The following ROBO2 variants were observed in gnomAD, a reference collection of about 807,000 sequenced individuals.
The protein encoded by ROBO2 is roundabout guidance receptor 2.
Under a neutral mutation model 160.8 loss-of-function variants are expected in ROBO2, and 53 were observed. The observed-to-expected ratio is 0.33, with a 90% CI of 0.26 to 0.41. The LOEUF is 0.41. Among genes scored for constraint, ROBO2 ranks in the 10% least tolerant of loss-of-function variants. The pLI is 1.00. For synonymous variants in ROBO2, 664 were observed against 611.7 expected, an observed-to-expected ratio of 1.09 and a Z score of -1.26; for missense variants, 1,577 against 1,722.4, an observed-to-expected ratio of 0.92 and a Z score of 1.49.
At chr3:76,942,481 G>T (rs779169382) in intron 2 of ROBO2, among the ~76,000 whole-genome samples, 1 of 152,182 alleles carries the variant, frequency 6.6e-6, no homozygotes. Context: ...TTTTGCTTGG[G>T]AAGCACCACT....
intron 2 of ROBO2, among the ~76,000 whole-genome samples, chr3:77,003,451 TATA>T (rs2061427410): frequency 6.6e-6 from 1 of 152,176 alleles, no homozygotes; most frequent in South Asian, 2.1e-4. Context: ...CAAGAACAAT[TATA>T]ATCACCATTA....
At chr3:76,548,726 A>G (rs139852779) in intron 2 of ROBO2, among the ~76,000 whole-genome samples, 1,548 of 152,024 alleles carry the variant, frequency 0.01, 14 homozygotes, top group Non-Finnish European at 0.017. Flanking sequence ...TTTCTCCACC[A>G]TAGCCAAAAT....
At chr3:76,465,383 T>C (rs1466668403) in intron 2 of ROBO2, among the ~76,000 whole-genome samples, 2 of 152,066 alleles carry the variant, frequency 1.3e-5, no homozygotes, top group African/African-American at 2.4e-5. Flanking sequence ...GTAATAAAAA[T>C]AGTTTATACT....
At chr3:77,264,034 C>A (rs1243740928) in intron 2 of ROBO2, among the ~76,000 whole-genome samples, 2 of 126,068 alleles carry the variant, frequency 1.6e-5, no homozygotes, top group Non-Finnish European at 3.7e-5. Flanking sequence ...TCATCACATT[C>A]ATCATATTCA....
chr3:76,791,827 C>A (rs955962420), intron 2 of ROBO2, among the ~76,000 whole-genome samples: 6 of 151,852 alleles, frequency 4.0e-5, no homozygotes, highest in Non-Finnish European at 8.8e-5. Context: ...CACACACACA[C>A]ACACAAAATG....
chr3:76,777,916 C>A (rs1267878852), intron 2 of ROBO2, among the ~76,000 whole-genome samples: 1 of 151,052 alleles, frequency 6.6e-6, no homozygotes, highest in East Asian at 2.0e-4. Context: ...TTTGCCTGAT[C>A]ATTATAAATA....
intron 1 of ROBO2, among the ~76,000 whole-genome samples, chr3:77,046,494 C>T (rs978140920): frequency 1.3e-5 from 2 of 152,084 alleles, no homozygotes; most frequent in African/African-American, 4.8e-5. Context: ...GATAGCATCT[C>T]GGAGCCATTA....
intron 4 of ROBO2, among the ~76,000 whole-genome samples, chr3:77,489,388 T>A (rs6789690): frequency 0.54 from 81,928 of 151,878 alleles, 22,274 homozygotes; most frequent in Admixed American, 0.64. Flanking sequence ...GGTAGCAGGG[T>A]AGAGAGAAGG....
At chr3:76,527,952 T>C (rs1362739943) in intron 2 of ROBO2, among the ~76,000 whole-genome samples, 1 of 151,996 alleles carries the variant, frequency 6.6e-6, no homozygotes, top group Non-Finnish European at 1.5e-5. Context: ...ATTTGGGGAA[T>C]ACCCTGTCTA....
chr3:76,943,226 C>T lies in ROBO2; in HGVS notation c.110-154788C>T, dbSNP rs552718122. ...TCATTGCTTGTTGAAAGAGCTACCT[C>T]AGAGGACTGGCATTTGCGCTGGGGA... On this transcript the variant is annotated intron_variant, in intron 2 of 26. Coordinates refer to the ROBO2 transcript ENST00000487694. 3.9e-5 allele frequency among the ~76,000 whole-genome samples: 6 copies of T among 152,310 alleles called. No individual in the cohort carries two copies. In the South Asian group the frequency reaches 1.2e-3, roughly 32 times the overall value.
At chr3:76,056,581 AAAAG>A (rs2067856097) in intron 2 of ROBO2, among the ~76,000 whole-genome samples, 1 of 152,196 alleles carries the variant, frequency 6.6e-6, no homozygotes, top group African/African-American at 2.4e-5. Flanking sequence ...CAAAAAAAGA[AAAAG>A]AAAAGAAAAA....
chr3:76,587,305 G>GTCA (rs200859139), intron 2 of ROBO2, among the ~76,000 whole-genome samples: 2,230 of 152,032 alleles, frequency 0.015, 18 homozygotes, highest in South Asian at 0.031. Flanking sequence ...TATAATATAT[G>GTCA]TGCTCCCATG....
chr3:77,537,709 G>A (rs1329405941), intron 6 of ROBO2, among the ~76,000 whole-genome samples: 3 of 152,188 alleles, frequency 2.0e-5, no homozygotes, highest in Admixed American at 2.0e-4. Flanking sequence ...AGGAAAAGAG[G>A]TTTAATCGAC....
intron 2 of ROBO2, among the ~76,000 whole-genome samples, chr3:76,013,265 A>G: frequency 6.6e-6 from 1 of 150,484 alleles, no homozygotes. Flanking sequence ...GTATAAAGGC[A>G]ATTGGAGGCT....
chr3:76,728,003 T>C (rs1328987902), intron 2 of ROBO2, among the ~76,000 whole-genome samples: 6 of 152,140 alleles, frequency 3.9e-5, no homozygotes, highest in African/African-American at 1.4e-4. Context: ...TATCAAAATA[T>C]CACATATACT....
At chr3:77,196,492 A>T (rs2150980854) in intron 2 of ROBO2, among the ~76,000 whole-genome samples, 1 of 145,648 alleles carries the variant, frequency 6.9e-6, no homozygotes, top group African/African-American at 2.4e-5. Context: ...AAATTTGATG[A>T]GGAGGGCATC....
chr3:77,200,120 A>G (rs1335642076), intron 2 of ROBO2, among the ~76,000 whole-genome samples: 1 of 150,746 alleles, frequency 6.6e-6, no homozygotes, highest in African/African-American at 2.4e-5. Context: ...AGACACACAA[A>G]GCTATCTACT....
intron 2 of ROBO2, among the ~76,000 whole-genome samples, chr3:76,537,162 AAGAAATGGATGGGAG>A (rs1408462642): frequency 6.6e-6 from 1 of 152,016 alleles, no homozygotes. Flanking sequence ...GTAGAGACTG[AAGAAATGGATGGGAG>A]AGAAAGAGGA....
chr3:76,592,067 A>G (rs1160920223), intron 2 of ROBO2, among the ~76,000 whole-genome samples: 1 of 152,076 alleles, frequency 6.6e-6, no homozygotes, highest in Non-Finnish European at 1.5e-5. Context: ...ATTTTTAGGA[A>G]ATATTTTCAA....
Sources: allele counts gnomAD v4.1 joint callset (sites outside exome capture counted in the v4.1 genomes callset), GRCh38; gene constraint gnomAD v4.1.1; transcripts MANE v1.5; gene names NCBI Gene and HGNC (gene_info 2026-07-23, HGNC 2026-07-21).